The following PDZD8 variants were observed in gnomAD, a reference collection of about 807,000 sequenced individuals.
The protein encoded by PDZD8 is PDZ domain containing 8.
PDZD8 carries 14 observed loss-of-function variants against 85.8 expected under a neutral mutation model. The ratio of observed to expected loss-of-function variants is 0.16; its 90% CI spans 0.11 to 0.26. The LOEUF is 0.26. Ranked by LOEUF, PDZD8 falls within the 10% of genes least tolerant of loss-of-function variation. The pLI, the probability that PDZD8 is intolerant of heterozygous loss-of-function variation, is 1.00. For missense variants in PDZD8, 1,197 were observed against 1,424.3 expected, an observed-to-expected ratio of 0.84 and a Z score of 2.57; for synonymous variants, 592 against 568.6, an observed-to-expected ratio of 1.04 and a Z score of -0.59.
rs757202812 is a variant in PDZD8 at position 117,283,127 on chromosome 10, C to A, written c.*141G>T. ...GGTCATGTTTTTACTGGAAAACAAC[C>A]TTTCTCATTTTTGTTCTTACACAAG... is the stretch of plus-strand genomic sequence containing the variant. On this transcript the variant is annotated 3_prime_UTR_variant, in exon 5 of 5. Coordinates refer to ENST00000334464, the MANE Select transcript of PDZD8 (RefSeq NM_173791.5). The A allele has an allele frequency of 5.0e-6, 4 of 801,140 alleles. No individual in the cohort carries two copies. The highest frequency in any genetic ancestry group is 7.5e-6 in the Non-Finnish European group (4 of 534,944). 49.6% of individuals were successfully genotyped at this position (801,140 alleles called of 1,614,324 possible).
At chr10:117,350,626 G>A (rs1189670546) in intron 1 of PDZD8, among the ~76,000 whole-genome samples, 9 of 151,050 alleles carry the variant, frequency 6.0e-5, no homozygotes, top group African/African-American at 1.5e-4. Flanking sequence ...TACATAGGCC[G>A]GGCGCGGTGG....
chr10:117,355,460 G>C (rs1844878037), intron 1 of PDZD8, among the ~76,000 whole-genome samples: 1 of 152,110 alleles, frequency 6.6e-6, no homozygotes, highest in Non-Finnish European at 1.5e-5. Context: ...TGAGTTGCTT[G>C]AGAAAAGAAA....
At chr10:117,319,433 A>ACACACT (rs1403355327) in intron 2 of PDZD8, among the ~76,000 whole-genome samples, 1,146 of 22,888 alleles carry the variant, frequency 0.05, 7 homozygotes, top group African/African-American at 0.062. Context: ...ACACACACAC[A>ACACACT]CTCTTCATCT....
chr10:117,283,021 A>C lies in PDZD8; in HGVS notation c.*247T>G. On this transcript the variant is annotated 3_prime_UTR_variant, in exon 5 of 5. Coordinates refer to ENST00000334464, the MANE Select transcript of PDZD8 (RefSeq NM_173791.5). ...AATTACATAATTAGAAAAGTTAAATAATTTAGTAAAAATAAATTCCCAGTA... is the reference window on the plus strand; with the variant it reads ...AATTACATAATTAGAAAAGTTAAATCATTTAGTAAAAATAAATTCCCAGTA... 1 of 424,710 alleles carries C rather than the reference A, an allele frequency of 2.4e-6. No homozygotes were observed. Among genetic ancestry groups the C allele is most frequent in the Non-Finnish European group, 4.1e-6 (1 of 242,070 alleles). The allele number at this position is 424,710 out of a possible 1,614,324, so 26.3% of individuals were successfully genotyped here. A position where few individuals can be genotyped will look rare whatever the true frequency, so the allele number is the denominator to read the frequency against.
Position 117,374,908 on chromosome 10 carries a change from C to A in PDZD8, c.320G>T (p.Arg107Leu). 1.2e-6 allele frequency: 2 copies of A among 1,613,472 alleles called. No individual in the cohort carries two copies. Among genetic ancestry groups the A allele is most frequent in the South Asian group, 1.1e-5 (1 of 91,078 alleles). ...FLNATILFLF[R>L]ELRDTALTRR... ...GGTCAGCGCGGTGTCCCGCAACTCC[C>A]GGAACAGGAATAGGATGGTGGCGTT... is the stretch of plus-strand genomic sequence containing the variant. The change falls in exon 1 of 5, where the codon CGG becomes CTG. Residue 107 changes from arginine (R) to leucine (L), a missense_variant. This residue lies in a region of PDZD8 where 344 missense variants were observed against 453.6 expected (regional missense o/e 0.76). Transcript: ENST00000334464. This position sits in a 1 kb window ranked among gnomAD's most constrained non-coding sequence, Gnocchi z 7.8.
intron 3 of PDZD8, among the ~76,000 whole-genome samples, chr10:117,318,145 A>G (rs964398805): frequency 8.5e-5 from 13 of 152,200 alleles, no homozygotes; most frequent in African/African-American, 3.1e-4. Context: ...ACATGCTTCT[A>G]CTAAAATAAT....
rs145614241 is a variant in PDZD8, at chr10:117,290,864, CTTTTTTTTTTT to C, written c.1099-527_1099-517del. Among the ~76,000 whole-genome samples the C allele has an allele frequency of 7.3e-4, 90 of 123,550 alleles. 1 individual carries two copies. Among genetic ancestry groups the C allele is most frequent in the African/African-American group, 2.2e-3 (67 of 30,130 alleles). 81.1% of individuals were successfully genotyped at this position (123,550 alleles called of 152,430 possible). A position where few individuals can be genotyped will look rare whatever the true frequency, so the allele number is the denominator to read the frequency against. On this transcript the variant is annotated intron_variant, in intron 3 of 4. Transcript: ENST00000334464. ...GAAACTCCATTTTGTATGGTGTATC[CTTTTTTTTTTT>C]TTTTTTTTTTTTGAGACAGGGTCTC... is the stretch of plus-strand genomic sequence containing the variant.
At chr10:117,288,405 AAAAC>A (rs1192692156) in intron 4 of PDZD8, among the ~76,000 whole-genome samples, 19 of 152,218 alleles carry the variant, frequency 1.2e-4, no homozygotes, top group Admixed American at 2.0e-4. Context: ...AACAAACAAA[AAAAC>A]AAAAAAAGAG....
chr10:117,375,091 C>T lies in PDZD8; in HGVS notation c.137G>A (p.Arg46His), dbSNP rs747310750. ...DEAARAGEGF[R>H]YIKPVPGLLL... ...CAGGCCCGGCACTGGCTTGATGTAG[C>T]GGAAGCCCTCGCCCGCGCGGGCGGC... The change falls in exon 1 of 5, where the codon CGC becomes CAC. Residue 46 changes from arginine (R) to histidine (H), a missense_variant. Arg to His is a conservative substitution (Grantham distance 29, BLOSUM62 0). Around this residue, in one of 4 missense-constraint regions of PDZD8, gnomAD observed 172 missense variants for 137.8 expected, o/e 1.25. Transcript: ENST00000334464. 4 of 1,597,756 alleles carry T rather than the reference C, an allele frequency of 2.5e-6. No homozygotes were observed. The highest frequency in any genetic ancestry group is 3.4e-5 in the Admixed American group (2 of 59,494).
rs984344290 is a variant in PDZD8, at chr10:117,279,363, A to G, written c.*3905T>C. On this transcript the variant is annotated 3_prime_UTR_variant, in exon 5 of 5. Coordinates refer to ENST00000334464, the MANE Select transcript of PDZD8 (RefSeq NM_173791.5). ...TTAATGAGGTAGCAATGAATATTCAACTGTTTGACTGCTAAGTGTATCTGT... is the reference window on the plus strand; with the variant it reads ...TTAATGAGGTAGCAATGAATATTCAGCTGTTTGACTGCTAAGTGTATCTGT... 9 of 152,314 alleles carry G rather than the reference A, an allele frequency of 5.9e-5. No individual in the cohort carries two copies. Among genetic ancestry groups the G allele is most frequent in the East Asian group, 5.8e-4 (3 of 5,186 alleles). 9.4% of individuals were successfully genotyped at this position (152,314 alleles called of 1,614,324 possible). A position where few individuals can be genotyped will look rare whatever the true frequency, so the allele number is the denominator to read the frequency against.
At chr10:117,296,618 C>T (rs1257112528) in intron 3 of PDZD8, among the ~76,000 whole-genome samples, 1 of 152,018 alleles carries the variant, frequency 6.6e-6, no homozygotes, top group African/African-American at 2.4e-5. Flanking sequence ...ATGACAGACA[C>T]ATGAAATAAT....
chr10:117,333,560 T>C (rs1844466920), intron 2 of PDZD8, among the ~76,000 whole-genome samples: 1 of 152,172 alleles, frequency 6.6e-6, no homozygotes, highest in Non-Finnish European at 1.5e-5. Flanking sequence ...CAAGCCAAAA[T>C]AACCAAACAA....
intron 3 of PDZD8, among the ~76,000 whole-genome samples, chr10:117,311,428 G>T (rs1315873280): frequency 6.6e-6 from 1 of 152,152 alleles, no homozygotes; most frequent in African/African-American, 2.4e-5. Flanking sequence ...AAGGCTCATG[G>T]TCAGACAGCC....
intron 3 of PDZD8, among the ~76,000 whole-genome samples, chr10:117,313,482 T>G (rs976258454): frequency 6.6e-6 from 1 of 152,146 alleles, no homozygotes; most frequent in African/African-American, 2.4e-5. Context: ...TTTAAATCAT[T>G]TATGAAAAAT....
intron 2 of PDZD8, among the ~76,000 whole-genome samples, chr10:117,320,257 T>C (rs908477250): frequency 6.6e-6 from 1 of 152,148 alleles, no homozygotes; most frequent in African/African-American, 2.4e-5. Flanking sequence ...AAAGCTCTGC[T>C]GCCACCACCT....
intron 1 of PDZD8, among the ~76,000 whole-genome samples, chr10:117,373,144 C>T (rs1845222166): frequency 6.6e-6 from 1 of 152,076 alleles, no homozygotes; most frequent in South Asian, 2.1e-4. Context: ...ACCTCTAGCC[C>T]TAAAAAAGTC....
intron 2 of PDZD8, among the ~76,000 whole-genome samples, chr10:117,335,585 A>G (rs907858661): frequency 2.0e-5 from 3 of 152,208 alleles, no homozygotes; most frequent in African/African-American, 7.2e-5. Context: ...TATGTATTTA[A>G]AAGCGAAAAT....
intron 4 of PDZD8, among the ~76,000 whole-genome samples, chr10:117,287,390 G>A (rs1222983807): frequency 6.6e-6 from 1 of 152,122 alleles, no homozygotes; most frequent in Non-Finnish European, 1.5e-5. Context: ...AGCCACTCCA[G>A]TAGTCTCAAA....
chr10:117,337,529 T>A (rs1299535201), intron 2 of PDZD8, among the ~76,000 whole-genome samples: 1 of 152,210 alleles, frequency 6.6e-6, no homozygotes, highest in South Asian at 2.1e-4. Flanking sequence ...GCTTGGGAAA[T>A]GCGAAACAGT....
Sources: allele counts gnomAD v4.1 joint callset (sites outside exome capture counted in the v4.1 genomes callset), GRCh38; gene constraint gnomAD v4.1.1; regional missense constraint gnomAD v4.1.1; non-coding constraint Gnocchi (gnomAD v3.1); transcripts MANE v1.5; gene names NCBI Gene and HGNC (gene_info 2026-07-23, HGNC 2026-07-21).